The following LRMDA variants were observed in gnomAD, a reference collection of about 807,000 sequenced individuals.
LRMDA encodes leucine-rich melanocyte differentiation-associated protein.
A neutral mutation model predicts 29.8 loss-of-function variants in LRMDA; 18 were observed. That is an observed-to-expected ratio of 0.60 (90% CI 0.42 to 0.90). LRMDA has a LOEUF of 0.90. Among genes scored for constraint, LRMDA ranks in the 40% least tolerant of loss-of-function variants. The pLI is 0.00. For missense variants in LRMDA, 273 were observed against 273.9 expected (o/e 1.00, Z 0.02); for synonymous variants, 125 against 109.4 (o/e 1.14, Z -0.89).
chr10:76,050,103 C>G (rs931693799), intron 4 of LRMDA, among the ~76,000 whole-genome samples: 1 of 152,076 alleles, frequency 6.6e-6, no homozygotes, highest in African/African-American at 2.4e-5. Flanking sequence ...AATATGTCAC[C>G]CAGGCATACA....
intron 2 of LRMDA, among the ~76,000 whole-genome samples, chr10:75,845,899 A>C (rs1038114386): frequency 7.9e-5 from 12 of 152,246 alleles, no homozygotes; most frequent in Non-Finnish European, 7.4e-5. Context: ...GAATTTTAAC[A>C]CTTAGTTTTT....
intron 2 of LRMDA, among the ~76,000 whole-genome samples, chr10:75,672,518 TTCTTTTCCTCCCCTCCCCTCCCCTC>T (rs1841904221): frequency 5.3e-5 from 2 of 37,634 alleles, no homozygotes; most frequent in East Asian, 1.1e-3. Context: ...TATTTTTCTT[TTCTTTTCCTCCCCTCCCCTCCCCTC>T]CCCTCCCCTC....
intron 2 of LRMDA, among the ~76,000 whole-genome samples, chr10:75,908,300 G>C (rs1054764713): frequency 1.3e-5 from 2 of 152,170 alleles, no homozygotes; most frequent in East Asian, 3.9e-4. Flanking sequence ...ATGTGCTACA[G>C]TTGTCTTCCC....
intron 2 of LRMDA, among the ~76,000 whole-genome samples, chr10:75,982,597 G>GGT: frequency 6.6e-6 from 1 of 152,184 alleles, no homozygotes; most frequent in East Asian, 1.9e-4. Flanking sequence ...GCAAGCTAAA[G>GGT]GTGAAGCTGG....
chr10:76,212,429 A>G (rs1056449886), intron 5 of LRMDA, among the ~76,000 whole-genome samples: 1 of 152,072 alleles, frequency 6.6e-6, no homozygotes, highest in Non-Finnish European at 1.5e-5. Context: ...TTTTCTAATT[A>G]TTGCTTCTAC....
chr10:75,677,702 C>T (rs539582059), intron 2 of LRMDA, among the ~76,000 whole-genome samples: 15 of 152,106 alleles, frequency 9.9e-5, no homozygotes, highest in East Asian at 3.9e-4. Context: ...AGCAGAATTA[C>T]GGAAAAAACA....
At chr10:76,461,088 A>G (rs1564547966) in intron 6 of LRMDA, among the ~76,000 whole-genome samples, 2 of 152,178 alleles carry the variant, frequency 1.3e-5, no homozygotes, top group African/African-American at 4.8e-5. Context: ...GACAATATAA[A>G]ACACAAAAGG....
At chr10:75,555,825 T>C (rs1187119732) in intron 2 of LRMDA, among the ~76,000 whole-genome samples, 1 of 151,664 alleles carries the variant, frequency 6.6e-6, no homozygotes, top group Non-Finnish European at 1.5e-5. Flanking sequence ...CCCAAGGACA[T>C]AAAGGGAAAT....
At chr10:75,645,046 G>C (rs1305460951) in intron 2 of LRMDA, among the ~76,000 whole-genome samples, 1 of 150,442 alleles carries the variant, frequency 6.6e-6, no homozygotes, top group Non-Finnish European at 1.5e-5. Flanking sequence ...GCAATGGCAC[G>C]ATCTCAGCTC....
At chr10:76,048,684 G>T (rs973484513) in intron 4 of LRMDA, among the ~76,000 whole-genome samples, 10 of 152,170 alleles carry the variant, frequency 6.6e-5, no homozygotes, top group African/African-American at 2.4e-4. Flanking sequence ...ACAGTCCATA[G>T]GTGTTTCTGA....
intron 5 of LRMDA, among the ~76,000 whole-genome samples, chr10:76,134,449 C>T (rs921678018): frequency 2.6e-5 from 4 of 152,232 alleles, no homozygotes; most frequent in African/African-American, 9.6e-5. Flanking sequence ...AACATGGGAA[C>T]AAAAAATATC....
intron 5 of LRMDA, among the ~76,000 whole-genome samples, chr10:76,256,644 G>GA (rs1248982262): frequency 3.3e-5 from 5 of 152,102 alleles, no homozygotes; most frequent in African/African-American, 1.2e-4. Flanking sequence ...CTCATCTCTG[G>GA]AAAAAAGCTG....
chr10:76,478,805 A>C (rs575239967), intron 6 of LRMDA, among the ~76,000 whole-genome samples: 5 of 151,868 alleles, frequency 3.3e-5, no homozygotes, highest in South Asian at 4.2e-4. Context: ...GGAGAAAAAA[A>C]CAAACACTGC....
intron 2 of LRMDA, among the ~76,000 whole-genome samples, chr10:75,603,052 G>A (rs926213898): frequency 6.6e-6 from 1 of 152,186 alleles, no homozygotes; most frequent in Admixed American, 6.5e-5. Context: ...ATGATGGATA[G>A]TTAGGTTTCA....
intron 5 of LRMDA, among the ~76,000 whole-genome samples, chr10:76,093,430 T>C (rs775376431): frequency 2.6e-5 from 4 of 152,142 alleles, no homozygotes; most frequent in Non-Finnish European, 5.9e-5. Context: ...ACAAACTCAC[T>C]GTGTCCCTTA....
intron 6 of LRMDA, among the ~76,000 whole-genome samples, chr10:76,336,783 C>T (rs1840974417): frequency 6.6e-6 from 1 of 152,144 alleles, no homozygotes; most frequent in African/African-American, 2.4e-5. Context: ...CTTTATTTAT[C>T]TTGCTATACC....
chr10:75,682,451 GAC>G (rs1411681035), intron 2 of LRMDA, among the ~76,000 whole-genome samples: 2 of 151,190 alleles, frequency 1.3e-5, no homozygotes, highest in South Asian at 2.1e-4. Context: ...GTGTGTGTGA[GAC>G]AGACACACAC....
chr10:75,914,333 C>A (rs1274230798), intron 2 of LRMDA, among the ~76,000 whole-genome samples: 4 of 152,144 alleles, frequency 2.6e-5, no homozygotes, highest in Admixed American at 6.5e-5. Context: ...TTACTTTACT[C>A]CAAATTTAAA....
At chr10:75,593,443 A>G (rs1468253788) in intron 2 of LRMDA, among the ~76,000 whole-genome samples, 1 of 152,228 alleles carries the variant, frequency 6.6e-6, no homozygotes, top group Non-Finnish European at 1.5e-5. Context: ...TGGGGCTGCC[A>G]CTGCTGCTGC....
Sources: allele counts gnomAD v4.1 joint callset (sites outside exome capture counted in the v4.1 genomes callset), GRCh38; gene constraint gnomAD v4.1.1; transcripts MANE v1.5; gene names NCBI Gene and HGNC (gene_info 2026-07-23, HGNC 2026-07-21).